Variants in ANKRD11 observed in about 807,000 individuals in gnomAD.
ANKRD11 encodes the protein ankyrin repeat domain 11.
Under a neutral mutation model 195.7 loss-of-function variants are expected in ANKRD11, and 17 were observed. That is an observed-to-expected ratio of 0.09 (90% CI 0.06 to 0.13). The LOEUF is 0.13. ANKRD11 is among the 10% of genes least tolerant of loss of function. The pLI, the probability that ANKRD11 is intolerant of heterozygous loss-of-function variation, is 1.00. For synonymous variants in ANKRD11, 1,953 were observed against 1,528.1 expected (o/e 1.28, Z -6.49); for missense variants, 3,735 against 3,566.1 (o/e 1.05, Z -1.21).
At chr16:89,365,966 T>C (rs1486765500) in intron 2 of ANKRD11, among the ~76,000 whole-genome samples, 1 of 151,958 alleles carries the variant, frequency 6.6e-6, no homozygotes, top group African/African-American at 2.4e-5. Flanking sequence ...CAGTATTTGG[T>C]TTTCTGTCCC....
At chr16:89,441,625 G>A (rs1358346819) in intron 1 of ANKRD11, among the ~76,000 whole-genome samples, 1 of 151,782 alleles carries the variant, frequency 6.6e-6, no homozygotes, top group Non-Finnish European at 1.5e-5. Flanking sequence ...AAATTAGCTG[G>A]GTGTGGTGGT....
chr16:89,288,769 A>T, intron 6 of ANKRD11, 99 bp from the exon 7 acceptor site: 1 of 1,572,558 alleles, frequency 6.4e-7, no homozygotes, highest in Non-Finnish European at 8.7e-7. Flanking sequence ...TGCGGGGACA[A>T]GCCAGGTGGG....
rs774513384 is a variant in ANKRD11 at position 89,285,742 on chromosome 16, G to A, written c.893-93C>T. 1.6e-4 allele frequency: 226 copies of A among 1,417,752 alleles called. No homozygotes were observed. Among genetic ancestry groups the A allele is most frequent in the Non-Finnish European group, 2.1e-4 (215 of 1,008,264 alleles). 87.8% of individuals were successfully genotyped at this position (1,417,752 alleles called of 1,614,324 possible). A position where few individuals can be genotyped will look rare whatever the true frequency, so the allele number is the denominator to read the frequency against. On this transcript the variant is annotated intron_variant, in intron 8 of 12. Coordinates refer to ENST00000301030, the MANE Select transcript of ANKRD11 (RefSeq NM_013275.6). This position sits in a 1 kb window ranked among gnomAD's most constrained non-coding sequence, Gnocchi z 5.6. Reference sequence around the variant, plus strand: ...GGGAGGCTCTGCAGATGTGTCTGCGGGAAGGTTCCCACCCTGCCTCTGCAG... The same window carrying A: ...GGGAGGCTCTGCAGATGTGTCTGCGAGAAGGTTCCCACCCTGCCTCTGCAG...
intron 2 of ANKRD11, among the ~76,000 whole-genome samples, chr16:89,413,484 G>A (rs1209643103): frequency 6.6e-6 from 1 of 152,156 alleles, no homozygotes; most frequent in African/African-American, 2.4e-5. Context: ...AATTAGCCGG[G>A]CGTGGTGGCG....
rs761444143 is a variant in ANKRD11 at position 89,280,413 on chromosome 16, G to T, written c.6129C>A (p.Ala2043=). Residue 2043 remains alanine, a synonymous_variant, in exon 9 of 13, where the codon GCC becomes GCA. Coordinates refer to ENST00000301030, the MANE Select transcript of ANKRD11 (RefSeq NM_013275.6). ...CTGAGGTGGAGATGGCGGCGGGGAC[G>T]GCGTCCACTCCGTCCTTGACGTCCT... is the stretch of plus-strand genomic sequence containing the variant. ...GLEDVKDGVD[A]VPAAISTSEA... 2.6e-6 allele frequency: 4 copies of T among 1,563,832 alleles called. No individual in the cohort carries two copies. The highest frequency in any genetic ancestry group is 4.5e-5 in the East Asian group (2 of 44,116).
At chr16:89,439,138 A>C (rs1177933022) in intron 1 of ANKRD11, among the ~76,000 whole-genome samples, 1 of 152,142 alleles carries the variant, frequency 6.6e-6, no homozygotes, top group African/African-American at 2.4e-5. Context: ...CACGTTGTTC[A>C]AATCCACATG....
chr16:89,434,530 C>A (rs2043131147), intron 1 of ANKRD11, among the ~76,000 whole-genome samples: 2 of 152,204 alleles, frequency 1.3e-5, no homozygotes, highest in South Asian at 4.1e-4. Context: ...GCCACCTGAG[C>A]CCCACCTGTC....
chr16:89,365,539 T>C (rs2039907868), intron 2 of ANKRD11, among the ~76,000 whole-genome samples: 1 of 152,240 alleles, frequency 6.6e-6, no homozygotes, highest in African/African-American at 2.4e-5. Context: ...CAGGATTTTC[T>C]GAAACTCGCT....
intron 1 of ANKRD11, among the ~76,000 whole-genome samples, chr16:89,444,367 A>G (rs1338966576): frequency 3.3e-5 from 5 of 152,064 alleles, no homozygotes; most frequent in Admixed American, 6.5e-5. Flanking sequence ...CTCCTTGCAC[A>G]TGACAGACTT....
At position 89,284,991 on chromosome 16, in the gene ANKRD11, G is replaced by A. The variant is rs1597464097; in HGVS notation, c.1551C>T (p.Ser517=). The A allele has an allele frequency of 6.2e-7, 1 of 1,614,056 alleles. No individual in the cohort carries two copies. The highest frequency in any genetic ancestry group is 2.2e-5 in the East Asian group (1 of 44,876). Reference sequence around the variant, plus strand: ...GAGACGAGGTGGAGGAGGCAGAGAGGGAGCTGAACAGGGAGGGGTCCTTCA... The same window carrying A: ...GAGACGAGGTGGAGGAGGCAGAGAGAGAGCTGAACAGGGAGGGGTCCTTCA... ...LVLKDPSLFS[S]LSASSTSSHG... The change falls in exon 9 of 13, where the codon TCC becomes TCT. Residue 517 remains serine, a synonymous_variant. Transcript: ENST00000301030.
At chr16:89,294,244 G>A (rs1470748944) in intron 4 of ANKRD11, among the ~76,000 whole-genome samples, 1 of 152,184 alleles carries the variant, frequency 6.6e-6, no homozygotes, top group African/African-American at 2.4e-5. Context: ...CATGGAAGGT[G>A]CTGCCAACCT....
rs1167046199 is a variant in ANKRD11 at position 89,279,911 on chromosome 16, G to C, written c.6631C>G (p.Pro2211Ala). ...GCTTCTAGAGCCACGTCCAGCTTTG[G>C]CTCCCCTGAGGGCTCAGGCTCGAGC... ...AELEPEPSGE[P>A]KLDVALEAAV... is the part of the protein sequence containing the mutation. The change falls in exon 9 of 13, where the codon CCA (proline) becomes GCA (alanine). Residue 2211 changes from proline to alanine, a missense_variant. By Grantham distance (27) the Pro-to-Ala change is conservative. Coordinates refer to ENST00000301030, the MANE Select transcript of ANKRD11 (RefSeq NM_013275.6). The surrounding 1 kb of genome is among the most constrained non-coding windows in gnomAD (Gnocchi z 5.6). The C allele has an allele frequency of 6.2e-7, 1 of 1,609,064 alleles. No homozygotes were observed.
chr16:89,397,036 T>A (rs1012707531), intron 2 of ANKRD11, among the ~76,000 whole-genome samples: 19 of 152,026 alleles, frequency 1.2e-4, no homozygotes, highest in Admixed American at 5.9e-4. Flanking sequence ...TTTTTTTTTT[T>A]AAAGAATGTG....
At chr16:89,415,160 C>T (rs2042244064) in intron 2 of ANKRD11, among the ~76,000 whole-genome samples, 1 of 151,610 alleles carries the variant, frequency 6.6e-6, no homozygotes, top group Non-Finnish European at 1.5e-5. Flanking sequence ...CGTCATGTTA[C>T]TCAGGCTGGT....
At chr16:89,338,995 C>A (rs1239885491) in intron 2 of ANKRD11, among the ~76,000 whole-genome samples, 4 of 152,188 alleles carry the variant, frequency 2.6e-5, no homozygotes, top group African/African-American at 9.7e-5. Context: ...CCGAGGGCCT[C>A]ACTGGACTTA....
intron 1 of ANKRD11, among the ~76,000 whole-genome samples, chr16:89,466,772 C>T (rs1007012398): frequency 1.3e-5 from 2 of 152,160 alleles, no homozygotes; most frequent in Non-Finnish European, 2.9e-5. Context: ...AAAGACAACT[C>T]GGTAGCAGCA....
intron 3 of ANKRD11, 82 bp from the exon 4 acceptor site, chr16:89,305,426 G>A (rs1367329282): frequency 6.3e-7 from 1 of 1,587,558 alleles, no homozygotes; most frequent in Non-Finnish European, 8.6e-7. Flanking sequence ...TATGCCAGGA[G>A]AAGCGCATCT....
chr16:89,275,468 G>A (rs144598529), intron 9 of ANKRD11, among the ~76,000 whole-genome samples: 221 of 152,340 alleles, frequency 1.5e-3, no homozygotes, highest in African/African-American at 4.9e-3. Context: ...GTGGGCCATC[G>A]TGTGCCAAGG....
chr16:89,276,073 A>C (rs2033626849), intron 9 of ANKRD11, among the ~76,000 whole-genome samples: 1 of 152,244 alleles, frequency 6.6e-6, no homozygotes, highest in African/African-American at 2.4e-5. Flanking sequence ...CGGGTGGCCA[A>C]GACCAGCTGG....
Sources: allele counts gnomAD v4.1 joint callset (sites outside exome capture counted in the v4.1 genomes callset), GRCh38; gene constraint gnomAD v4.1.1; non-coding constraint Gnocchi (gnomAD v3.1); transcripts MANE v1.5; gene names NCBI Gene and HGNC (gene_info 2026-07-23, HGNC 2026-07-21).